RGSL1: variants seen among roughly 807,000 people sequenced by gnomAD.
The protein encoded by RGSL1 is regulator of G protein signaling like 1.
A neutral mutation model predicts 124.7 loss-of-function variants in RGSL1; 97 were observed. The ratio of observed to expected loss-of-function variants is 0.78; its 90% CI spans 0.66 to 0.92. The LOEUF (loss-of-function observed/expected upper bound fraction) is 0.92, where lower values mean the gene tolerates loss of function less well. Among genes scored for constraint, RGSL1 ranks in the 40% least tolerant of loss-of-function variants. The pLI is 0.00. For missense variants in RGSL1, 1,233 were observed against 1,288.4 expected (o/e 0.96, Z 0.66); for synonymous variants, 424 against 438.1 (o/e 0.97, Z 0.40).
intron 10 of RGSL1, among the ~76,000 whole-genome samples, chr1:182,523,075 G>A (rs1177315894): frequency 6.7e-6 from 1 of 148,514 alleles, no homozygotes; most frequent in Non-Finnish European, 1.5e-5. Context: ...CACTTTTTGT[G>A]TCCCAGCTGG....
chr1:182,554,574 A>G, intron 19 of RGSL1, 53 bp from the exon 20 acceptor site: 1 of 1,499,164 alleles, frequency 6.7e-7, no homozygotes, highest in African/African-American at 1.4e-5. Context: ...CCTTTCAGTG[A>G]CTGCGTCTAT....
intron 4 of RGSL1, among the ~76,000 whole-genome samples, chr1:182,461,294 G>C (rs529157526): frequency 4.0e-5 from 6 of 151,488 alleles, no homozygotes; most frequent in African/African-American, 1.5e-4. Flanking sequence ...GCCAATTCTT[G>C]GCACAGAGAT....
chr1:182,454,739 G>A (rs1490904088), intron 2 of RGSL1, among the ~76,000 whole-genome samples: 2 of 152,000 alleles, frequency 1.3e-5, no homozygotes, highest in Non-Finnish European at 2.9e-5. Flanking sequence ...TTGTTGACTG[G>A]AACAAACCTA....
In RGSL1 at chr1:182,489,742, T is replaced by C. The variant is rs79733776; in HGVS notation, c.1717+540T>C. Among the ~76,000 whole-genome samples, 1,514 of 152,362 alleles carry C rather than the reference T, an allele frequency of 9.9e-3. 24 individuals are homozygous for C. Among genetic ancestry groups the C allele is most frequent in the African/African-American group, 0.034 (1,428 of 41,582 alleles). ...ACCCGTGCTCTCCTATTCACTTGTA[T>C]GCTTGAGCAATGTATTTAACTTCTC... On this transcript the variant is annotated intron_variant, in intron 8 of 21. Coordinates refer to ENST00000294854, the MANE Select transcript of RGSL1 (RefSeq NM_001137669.2).
intron 18 of RGSL1, among the ~76,000 whole-genome samples, chr1:182,552,897 A>C (rs1660653847): frequency 6.6e-6 from 1 of 152,192 alleles, no homozygotes; most frequent in South Asian, 2.1e-4. Context: ...TCATAGCTTC[A>C]TCACCTTTCC....
chr1:182,519,698 A>G (rs1240258580), intron 9 of RGSL1, among the ~76,000 whole-genome samples: 2 of 151,856 alleles, frequency 1.3e-5, no homozygotes, highest in African/African-American at 4.8e-5. Context: ...TTTATTATAC[A>G]TATTTTTGAC....
chr1:182,486,268 G>A (rs1338147839), intron 6 of RGSL1, among the ~76,000 whole-genome samples: 1 of 149,516 alleles, frequency 6.7e-6, no homozygotes, highest in Non-Finnish European at 1.5e-5. Context: ...TGTTTCTTAA[G>A]AAATAAATTT....
In RGSL1 at chr1:182,536,692, G is replaced by A. The variant is rs1312838067; in HGVS notation, c.2495-3555G>A. ...GTGGCTGGGGAGGCCTCACAATCAT[G>A]GCAGAAGGCTAGGAGGAGCAAGCCA... On this transcript the variant is annotated intron_variant, in intron 14 of 21. Coordinates refer to ENST00000294854, the MANE Select transcript of RGSL1 (RefSeq NM_001137669.2). 2.0e-5 allele frequency among the ~76,000 whole-genome samples: 3 copies of A among 152,296 alleles called. No homozygotes were observed. The East Asian group carries it at 5.8e-4, about 29-fold the overall frequency.
At chr1:182,509,513 G>A (rs1384068610) in intron 9 of RGSL1, among the ~76,000 whole-genome samples, 6 of 88,166 alleles carry the variant, frequency 6.8e-5, no homozygotes, top group African/African-American at 3.1e-4. Flanking sequence ...CCTCCCTCCC[G>A]GACGGGGCAG....
chr1:182,472,628 T>C, intron 5 of RGSL1, 71 bp downstream of exon 5: 1 of 1,411,126 alleles, frequency 7.1e-7, no homozygotes, highest in Non-Finnish European at 9.4e-7. Flanking sequence ...TAATCCTCAG[T>C]CTCCTTCTTT....
chr1:182,530,400 T>C, intron 12 of RGSL1, 39 bp downstream of exon 12: 1 of 1,492,386 alleles, frequency 6.7e-7, no homozygotes, highest in Non-Finnish European at 9.1e-7. Context: ...CTTCCTGGAG[T>C]TGCTCCTTGG....
intron 11 of RGSL1, among the ~76,000 whole-genome samples, chr1:182,529,213 TC>T (rs1182999373): frequency 6.6e-6 from 1 of 152,208 alleles, no homozygotes; most frequent in East Asian, 1.9e-4. Flanking sequence ...TTTTATTTAA[TC>T]CCTGTAATAT....
chr1:182,542,391 T>A (rs993029960), intron 15 of RGSL1, among the ~76,000 whole-genome samples: 1 of 152,186 alleles, frequency 6.6e-6, no homozygotes, highest in Non-Finnish European at 1.5e-5. Flanking sequence ...TGGATTTATA[T>A]CTGAATTGTC....
rs1658857678 is a variant in RGSL1, at chr1:182,527,719, A to T, written c.2072A>T (p.Lys691Met). 3 of 1,551,196 alleles carry T rather than the reference A, an allele frequency of 1.9e-6. No individual in the cohort carries two copies. In the East Asian group the frequency reaches 7.3e-5, roughly 38 times the overall value. The change falls in exon 11 of 22, where the codon AAG becomes ATG. Residue 691 changes from lysine (K) to methionine (M), a missense_variant. Transcript: ENST00000294854. The part of the protein sequence containing the change: ...ISIETNEKIC[K>M]SLIENVIKTF... ...ATAGAGACCAATGAAAAGATTTGCA[A>T]GTCTCTCATAGAAAATGTAATCAAG...
Position 182,501,937 on chromosome 1 carries a change from A to AT in RGSL1, c.1825+8814dup, listed in dbSNP as rs535085560. ...GGTTCAATCTCCCATTCAAACTGTT[A>AT]TTTTTTCTTGAGTCAGTTTTAGAAG... On this transcript the variant is annotated intron_variant, in intron 9 of 21. Coordinates refer to ENST00000294854, the MANE Select transcript of RGSL1 (RefSeq NM_001137669.2). 4.1e-3 allele frequency among the ~76,000 whole-genome samples: 620 copies of AT among 151,940 alleles called. 2 individuals are homozygous for AT. The highest frequency in any genetic ancestry group is 0.014 in the African/African-American group (585 of 41,438).
chr1:182,464,123 A>G (rs1256989191), intron 4 of RGSL1, among the ~76,000 whole-genome samples: 1 of 152,220 alleles, frequency 6.6e-6, no homozygotes, highest in East Asian at 1.9e-4. Flanking sequence ...AAAAATTACA[A>G]GGGAAATTAG....
At chr1:182,535,284 T>TTCAAAC (rs1489735361) in intron 14 of RGSL1, among the ~76,000 whole-genome samples, 1 of 152,248 alleles carries the variant, frequency 6.6e-6, no homozygotes, top group Non-Finnish European at 1.5e-5. Context: ...TTCATACTCT[T>TTCAAAC]TCTATAGTTT....
intron 18 of RGSL1, among the ~76,000 whole-genome samples, chr1:182,551,488 G>A (rs551857050): frequency 2.0e-4 from 30 of 152,298 alleles, no homozygotes; most frequent in African/African-American, 7.0e-4. Flanking sequence ...TGGAGAGGAT[G>A]ATCTGCTTTT....
At chr1:182,450,295 T>A in intron 1 of RGSL1, 117 bp downstream of exon 1, 4 of 1,106,002 alleles carry the variant, frequency 3.6e-6, no homozygotes, top group Non-Finnish European at 5.4e-6. Context: ...GTGACTTTTG[T>A]GTTATTCATG....
Sources: allele counts gnomAD v4.1 joint callset (sites outside exome capture counted in the v4.1 genomes callset), GRCh38; gene constraint gnomAD v4.1.1; transcripts MANE v1.5; gene names NCBI Gene and HGNC (gene_info 2026-07-23, HGNC 2026-07-21).